LCP2: variants seen among roughly 807,000 people sequenced by gnomAD.
The protein encoded by LCP2 is lymphocyte cytosolic protein 2, also known as 76 kDa tyrosine phosphoprotein.
In LCP2, 29 loss-of-function variants were observed where a neutral mutation model predicts 74.5. The ratio of observed to expected loss-of-function variants is 0.39; its 90% CI spans 0.29 to 0.53. The LOEUF (loss-of-function observed/expected upper bound fraction) is 0.53. Among genes scored for constraint, LCP2 ranks in the 20% least tolerant of loss-of-function variants. The pLI is 0.72. For missense variants in LCP2, 604 were observed against 634.6 expected, an observed-to-expected ratio of 0.95 and a Z score of 0.52; for synonymous variants, 228 against 229.5, an observed-to-expected ratio of 0.99 and a Z score of 0.06.
chr5:170,281,082 G>A (rs59893074), intron 3 of LCP2, among the ~76,000 whole-genome samples: 4,254 of 152,234 alleles, frequency 0.028, 202 homozygotes, highest in African/African-American at 0.097. Flanking sequence ...AGCATTTATG[G>A]GGAGAGGAGG....
At chr5:170,265,950 T>G (rs1761746773) in intron 10 of LCP2, among the ~76,000 whole-genome samples, 1 of 152,146 alleles carries the variant, frequency 6.6e-6, no homozygotes, top group Non-Finnish European at 1.5e-5. Context: ...CACTTAGAAG[T>G]CAGAAAGACA....
chr5:170,275,643 C>T lies in LCP2; in HGVS notation c.254+152G>A, dbSNP rs923600933. 3 of 716,360 alleles carry T rather than the reference C, an allele frequency of 4.2e-6. No homozygotes were observed. The African/African-American group carries it at 5.3e-5, about 13-fold the overall frequency. The allele number at this position is 716,360 out of a possible 1,614,324, so 44.4% of individuals were successfully genotyped here. On this transcript the variant is annotated intron_variant, in intron 4 of 20. Coordinates refer to ENST00000046794, the MANE Select transcript of LCP2 (RefSeq NM_005565.5). ...AGGATGCAGAGCAGGGGAGGGAACC[C>T]CTTCCCCTCGTTGGACACCATCTTC...
At chr5:170,266,978 CAG>C in intron 9 of LCP2, 29 bp downstream of exon 9, 1 of 1,613,382 alleles carries the variant, frequency 6.2e-7, no homozygotes, top group Non-Finnish European at 8.5e-7. Context: ...CTGGTGGGAA[CAG>C]GGCAAGAGAG....
chr5:170,268,676 G>C (rs1761821576), intron 7 of LCP2, among the ~76,000 whole-genome samples, 194 bp from the exon 8 acceptor site: 1 of 150,572 alleles, frequency 6.6e-6, no homozygotes, highest in Non-Finnish European at 1.5e-5. Flanking sequence ...GTCCTAGTTT[G>C]TGTCACTCTC....
chr5:170,268,551 A>T (rs1761816031), intron 7 of LCP2, 69 bp from the exon 8 acceptor site: 1 of 196,686 alleles, frequency 5.1e-6, no homozygotes, highest in African/African-American at 2.4e-5. Context: ...CCAGGAACAG[A>T]TATGCAGCTC....
chr5:170,285,770 C>A (rs1762173474), intron 3 of LCP2, among the ~76,000 whole-genome samples: 1 of 152,144 alleles, frequency 6.6e-6, no homozygotes, highest in African/African-American at 2.4e-5. Context: ...TCCTTTCATG[C>A]ATGGACTGAT....
Position 170,262,750 on chromosome 5 carries a change from G to A in LCP2, c.819-8C>T. 1 of 1,613,424 alleles carries A rather than the reference G, an allele frequency of 6.2e-7. No individual in the cohort carries two copies. Among genetic ancestry groups the A allele is most frequent in the Non-Finnish European group, 8.5e-7 (1 of 1,179,340 alleles). ...AAATGCTCCCCGAGTGACCTGTGGA[G>A]TTCAGGAAAAGGATGTGTAAGAAAC... On this transcript the variant is annotated splice_polypyrimidine_tract_variant and splice_region_variant and intron_variant, in intron 12 of 20. Transcript: ENST00000046794.
At chr5:170,254,104 G>C (rs183858421) in intron 17 of LCP2, among the ~76,000 whole-genome samples, 1 of 152,120 alleles carries the variant, frequency 6.6e-6, no homozygotes, top group African/African-American at 2.4e-5. Context: ...GTAAGGTATC[G>C]TGTGTACATT....
chr5:170,275,215 A>G (rs1439028697), intron 5 of LCP2, 105 bp downstream of exon 5: 4 of 1,219,938 alleles, frequency 3.3e-6, no homozygotes, highest in Non-Finnish European at 4.8e-6. Flanking sequence ...CAAGTCAGTA[A>G]GGTCACCTGA....
chr5:170,259,863 A>C (rs1167711307), intron 14 of LCP2, among the ~76,000 whole-genome samples: 2 of 152,220 alleles, frequency 1.3e-5, no homozygotes, highest in East Asian at 3.8e-4. Flanking sequence ...TACTTTTGCA[A>C]GTATATTCCC....
At chr5:170,287,064 T>C (rs1762194449) in intron 3 of LCP2, among the ~76,000 whole-genome samples, 1 of 152,248 alleles carries the variant, frequency 6.6e-6, no homozygotes, top group Non-Finnish European at 1.5e-5. Flanking sequence ...AGGACATTGT[T>C]GGGTCCACAT....
At chr5:170,262,893 C>T in intron 11 of LCP2, 32 bp from the exon 12 acceptor site, 1 of 1,613,974 alleles carries the variant, frequency 6.2e-7, no homozygotes, top group African/African-American at 1.3e-5. Flanking sequence ...GTATGAGTGT[C>T]CAAGCACTTT....
chr5:170,275,489 G>A, intron 4 of LCP2, 138 bp from the exon 5 acceptor site: 1 of 962,594 alleles, frequency 1.0e-6, no homozygotes, highest in Non-Finnish European at 1.6e-6. Flanking sequence ...TATCCTTGCT[G>A]CTCAGCAACT....
chr5:170,278,717 G>A (rs1762053190), intron 3 of LCP2, among the ~76,000 whole-genome samples: 1 of 152,090 alleles, frequency 6.6e-6, no homozygotes, highest in South Asian at 2.1e-4. Context: ...CTGCGGTGTT[G>A]CCTCTCACCA....
At chr5:170,255,581 A>G (rs1453632375) in intron 17 of LCP2, among the ~76,000 whole-genome samples, 2 of 152,266 alleles carry the variant, frequency 1.3e-5, no homozygotes, top group Non-Finnish European at 2.9e-5. Context: ...AATGCTACTT[A>G]CTAGAGTTGG....
At chr5:170,249,583 C>T (rs1040161186) in intron 20 of LCP2, among the ~76,000 whole-genome samples, 10 of 152,034 alleles carry the variant, frequency 6.6e-5, no homozygotes, top group African/African-American at 1.7e-4. Context: ...AGGTCAGACA[C>T]GGTTCATGGT....
intron 3 of LCP2, among the ~76,000 whole-genome samples, chr5:170,281,146 G>T (rs1056044219): frequency 1.3e-5 from 2 of 152,216 alleles, no homozygotes. Context: ...GACAGCCAAG[G>T]GAGGCACCTT....
Position 170,252,219 on chromosome 5 carries a change from G to A in LCP2, c.1323+215C>T, listed in dbSNP as rs546372040. On this transcript the variant is annotated intron_variant, in intron 19 of 20. Transcript: ENST00000046794. ...ATGCTGCCAACCAAATGACTGCCTT[G>A]AGATTCTTCTGCCAGCCTAATGATT... The A allele has an allele frequency of 7.9e-6, 3 of 380,950 alleles. No homozygotes were observed. The East Asian group carries it at 1.2e-4, about 15-fold the overall frequency. 23.6% of individuals were successfully genotyped at this position (380,950 alleles called of 1,614,324 possible).
intron 2 of LCP2, 105 bp from the exon 3 acceptor site, chr5:170,288,121 G>T: frequency 8.3e-7 from 1 of 1,208,356 alleles, no homozygotes; most frequent in Non-Finnish European, 1.2e-6. Flanking sequence ...GGTGGGGACT[G>T]TGGCAAACAG....
Sources: allele counts gnomAD v4.1 joint callset (sites outside exome capture counted in the v4.1 genomes callset), GRCh38; gene constraint gnomAD v4.1.1; transcripts MANE v1.5; gene names NCBI Gene and HGNC (gene_info 2026-07-23, HGNC 2026-07-21).